The following TMEM64 variants were observed in gnomAD, a reference collection of about 807,000 sequenced individuals.
The protein encoded by TMEM64 is transmembrane protein 64.
A neutral mutation model predicts 24.5 loss-of-function variants in TMEM64; 19 were observed. The ratio of observed to expected loss-of-function variants is 0.78; its 90% CI spans 0.54 to 1.14. The LOEUF is 1.14. Ranked by LOEUF, TMEM64 falls within the 50% of genes most tolerant of loss-of-function variation. The pLI is 0.00. For missense variants in TMEM64, 487 were observed against 493.0 expected (o/e 0.99, Z 0.12); for synonymous variants, 262 against 224.7 (o/e 1.17, Z -1.49).
intron 1 of TMEM64, among the ~76,000 whole-genome samples, chr8:90,639,722 T>C (rs1304350244): frequency 6.6e-6 from 1 of 152,176 alleles, no homozygotes; most frequent in African/African-American, 2.4e-5. Flanking sequence ...TACATATCAA[T>C]AAAATGCAAA....
chr8:90,633,350 G>C (rs10096165), intron 1 of TMEM64, among the ~76,000 whole-genome samples: 10,362 of 152,240 alleles, frequency 0.068, 1,136 homozygotes, highest in African/African-American at 0.23. Context: ...AATCCTGCCC[G>C]AGTCAAGCCT....
At chr8:90,629,593 A>G (rs1809409446) in intron 2 of TMEM64, among the ~76,000 whole-genome samples, 1 of 152,136 alleles carries the variant, frequency 6.6e-6, no homozygotes, top group South Asian at 2.1e-4. Flanking sequence ...TGGGACAATC[A>G]TAAATGTTAA....
At chr8:90,638,319 A>G (rs895437068) in intron 1 of TMEM64, among the ~76,000 whole-genome samples, 1 of 152,012 alleles carries the variant, frequency 6.6e-6, no homozygotes, top group East Asian at 1.9e-4. Flanking sequence ...GGGCCTTTCT[A>G]CGTTGTTCCT....
At chr8:90,636,565 G>A (rs1809521908) in intron 1 of TMEM64, among the ~76,000 whole-genome samples, 1 of 152,146 alleles carries the variant, frequency 6.6e-6, no homozygotes, top group Admixed American at 6.5e-5. Flanking sequence ...ATTTTAATAT[G>A]GCATTTTCTA....
intron 1 of TMEM64, among the ~76,000 whole-genome samples, chr8:90,643,946 T>C (rs1809646186): frequency 6.6e-6 from 1 of 152,206 alleles, no homozygotes; most frequent in Admixed American, 6.5e-5. Flanking sequence ...AAGAGAAAGG[T>C]TTTAATTTCA....
intron 1 of TMEM64, among the ~76,000 whole-genome samples, chr8:90,640,771 T>G (rs1393057020): frequency 1.3e-5 from 2 of 152,202 alleles, no homozygotes; most frequent in African/African-American, 4.8e-5. Context: ...AAAGTTATGA[T>G]GACATCTTTC....
intron 1 of TMEM64, among the ~76,000 whole-genome samples, chr8:90,632,551 T>C (rs1453092462): frequency 1.3e-5 from 2 of 152,136 alleles, no homozygotes; most frequent in East Asian, 1.9e-4. Context: ...CTCGATATCC[T>C]GACCTTGTGA....
chr8:90,634,732 T>C (rs1809489378), intron 1 of TMEM64, among the ~76,000 whole-genome samples: 1 of 152,224 alleles, frequency 6.6e-6, no homozygotes, highest in South Asian at 2.1e-4. Context: ...GTTATTATTG[T>C]TGCCACTACT....
chr8:90,629,099 C>CT, intron 2 of TMEM64, among the ~76,000 whole-genome samples: 1 of 152,092 alleles, frequency 6.6e-6, no homozygotes, highest in East Asian at 1.9e-4. Flanking sequence ...CCTAAGCTCT[C>CT]TTTTTTTCCT....
chr8:90,644,682 C>A (rs887572015), intron 1 of TMEM64, among the ~76,000 whole-genome samples: 1 of 152,192 alleles, frequency 6.6e-6, no homozygotes, highest in Non-Finnish European at 1.5e-5. Flanking sequence ...TTTACTGAAA[C>A]ACTTCCTTTG....
chr8:90,622,618 T>G lies in TMEM64; in HGVS notation c.*3053A>C, dbSNP rs921504757. 1.3e-5 allele frequency: 2 copies of G among 152,194 alleles called. No individual in the cohort carries two copies. The highest frequency in any genetic ancestry group is 6.5e-5 in the Admixed American group (1 of 15,268). The allele number at this position is 152,194 out of a possible 1,614,324, so 9.4% of individuals were successfully genotyped here. ...GTCACAGCACCTTTCTCAAGAACAG[T>G]CCAAATCAGCAGTGCACATTCACAC... On this transcript the variant is annotated 3_prime_UTR_variant, in exon 3 of 3. Transcript: ENST00000458549.
chr8:90,627,312 G>A (rs976199306), intron 2 of TMEM64, among the ~76,000 whole-genome samples: 5 of 152,064 alleles, frequency 3.3e-5, no homozygotes, highest in Non-Finnish European at 7.4e-5. Flanking sequence ...CAGTAAAATC[G>A]TAAATAAGTT....
intron 1 of TMEM64, among the ~76,000 whole-genome samples, chr8:90,632,048 C>T (rs934111918): frequency 2.6e-5 from 4 of 152,184 alleles, no homozygotes; most frequent in Admixed American, 2.6e-4. Context: ...TCTTCATAAG[C>T]ATTCTTAATT....
chr8:90,644,456 CAGA>C (rs1809655721), intron 1 of TMEM64, among the ~76,000 whole-genome samples: 1 of 152,086 alleles, frequency 6.6e-6, no homozygotes, highest in East Asian at 1.9e-4. Context: ...GGTGCAGATA[CAGA>C]AGAAAAATAT....
chr8:90,635,309 G>C (rs976532582), intron 1 of TMEM64, among the ~76,000 whole-genome samples: 1 of 152,184 alleles, frequency 6.6e-6, no homozygotes, highest in South Asian at 2.1e-4. Flanking sequence ...AGATAGATAG[G>C]ATGAGGAAGG....
chr8:90,638,027 G>GGGAAATCTATCC (rs1809548601), intron 1 of TMEM64, among the ~76,000 whole-genome samples: 1 of 151,994 alleles, frequency 6.6e-6, no homozygotes, highest in Admixed American at 6.6e-5. Context: ...ACCTTCTCTG[G>GGGAAATCTATCC]GGAAATCTAT....
Position 90,645,923 on chromosome 8 carries a change from G to T in TMEM64, c.-18C>A, listed in dbSNP as rs1809696128. The T allele has an allele frequency of 3.5e-6, 4 of 1,134,022 alleles. No individual in the cohort carries two copies. The highest frequency in any genetic ancestry group is 1.6e-5 in the African/African-American group (1 of 60,812). 70.2% of individuals were successfully genotyped at this position (1,134,022 alleles called of 1,614,324 possible). A position where few individuals can be genotyped will look rare whatever the true frequency, so the allele number is the denominator to read the frequency against. On this transcript the variant is annotated 5_prime_UTR_variant, in exon 1 of 3. Coordinates refer to ENST00000458549, the MANE Select transcript of TMEM64 (RefSeq NM_001008495.4). This position sits in a 1 kb window ranked among gnomAD's most constrained non-coding sequence, Gnocchi z 4.2. ...CTCCGCATGCCTCGGCCCAGCGCGG[G>T]CCCTCAGCCGGCCAGCCCCTCCGCC...
In TMEM64 at chr8:90,645,047, G is replaced by A; in HGVS notation, c.795+64C>T. The A allele has an allele frequency of 6.6e-7, 1 of 1,518,376 alleles. No individual in the cohort carries two copies. The highest frequency in any genetic ancestry group is 8.9e-7 in the Non-Finnish European group (1 of 1,122,360). 94.1% of individuals were successfully genotyped at this position (1,518,376 alleles called of 1,614,324 possible). A position where few individuals can be genotyped will look rare whatever the true frequency, so the allele number is the denominator to read the frequency against. On this transcript the variant is annotated intron_variant, in intron 1 of 2. Transcript: ENST00000458549. This position sits in a 1 kb window ranked among gnomAD's most constrained non-coding sequence, Gnocchi z 4.2. ...ATTTATCTGATAGAGCGCCCTCCTA[G>A]GGCCGCCACAAGACCGCTCAAAAAC...
In TMEM64 at chr8:90,625,850, T is replaced by C. The variant is rs745729596; in HGVS notation, c.964A>G (p.Ile322Val). 1.3e-5 allele frequency: 20 copies of C among 1,593,030 alleles called. No homozygotes were observed. Among genetic ancestry groups the C allele is most frequent in the South Asian group, 3.4e-5 (3 of 88,310 alleles). ...TGAACTACATAAAACATGAGGCCTA[T>C]ACTTATAATAATCTGTGAATAAAAA... The part of the protein sequence containing the change: ...FVFCLQIIIS[I>V]GLMFYVVHRA... Residue 322 changes from isoleucine to valine, a missense_variant, in exon 3 of 3, where the codon ATA (isoleucine) becomes GTA (valine). Around this residue, in one of 3 missense-constraint regions of TMEM64, gnomAD observed 10 missense variants for 27.3 expected, o/e 0.37. Transcript: ENST00000458549.
Sources: gnomAD v4.1 joint callset for allele counts (sites outside exome capture counted in the v4.1 genomes callset) on GRCh38, gnomAD v4.1.1 for gene constraint, gnomAD v4.1.1 regional missense constraint, Gnocchi (gnomAD v3.1) non-coding constraint, MANE v1.5 for transcripts, NCBI Gene and HGNC (gene_info 2026-07-23, HGNC 2026-07-21) for gene names.